Variants in SETX observed in about 807,000 individuals in gnomAD.
The protein encoded by SETX is helicase senataxin.
SETX carries 90 observed loss-of-function variants against 227.2 expected under a neutral mutation model. The ratio of observed to expected loss-of-function variants is 0.40; its 90% CI spans 0.33 to 0.47. The LOEUF is 0.47. Among genes scored for constraint, SETX ranks in the 20% least tolerant of loss-of-function variants. The pLI, the probability that SETX is intolerant of heterozygous loss-of-function variation, is 0.91. For synonymous variants in SETX, 1,210 were observed against 1,113.2 expected, an observed-to-expected ratio of 1.09 and a Z score of -1.73; for missense variants, 3,052 against 3,181.5, an observed-to-expected ratio of 0.96 and a Z score of 0.98.
At position 132,264,134 on chromosome 9, in the gene SETX, C is replaced by T; in HGVS notation, c.*105G>A. On this transcript the variant is annotated 3_prime_UTR_variant, in exon 26 of 26. Coordinates refer to ENST00000224140, the MANE Select transcript of SETX (RefSeq NM_015046.7). Reference sequence around the variant, plus strand: ...ATGCATTTTCCATGTTTTCCAACAGCACACAAACTCCTTACAAAAAACAAG... The same window carrying T: ...ATGCATTTTCCATGTTTTCCAACAGTACACAAACTCCTTACAAAAAACAAG... 1 of 1,518,038 alleles carries T rather than the reference C, an allele frequency of 6.6e-7. No individual in the cohort carries two copies. The highest frequency in any genetic ancestry group is 9.0e-7 in the Non-Finnish European group (1 of 1,106,602). The allele number at this position is 1,518,038 out of a possible 1,614,324, so 94.0% of individuals were successfully genotyped here.
chr9:132,290,574 CAAAAAAAAAA>C (rs59954158), intron 15 of SETX, among the ~76,000 whole-genome samples: 2 of 44,714 alleles, frequency 4.5e-5, no homozygotes, highest in South Asian at 9.5e-4. Context: ...GACTCCGTCT[CAAAAAAAAAA>C]AAAAAAAAAA....
At chr9:132,333,133 C>G (rs529293864) in intron 7 of SETX, among the ~76,000 whole-genome samples, 1 of 151,556 alleles carries the variant, frequency 6.6e-6, no homozygotes, top group African/African-American at 2.4e-5. Context: ...AATCCCAACA[C>G]TTTGAGAGGC....
chr9:132,284,697 T>A (rs747901797), intron 18 of SETX, among the ~76,000 whole-genome samples: 3 of 152,176 alleles, frequency 2.0e-5, no homozygotes, highest in Non-Finnish European at 4.4e-5. Flanking sequence ...AACCCAAGAA[T>A]TGCAAAAAAC....
intron 19 of SETX, 135 bp from the exon 20 acceptor site, chr9:132,281,709 T>C (rs1286908324): frequency 1.4e-5 from 10 of 734,070 alleles, no homozygotes; most frequent in Non-Finnish European, 2.4e-5. Context: ...ATACAAATTT[T>C]CCCTGAAAAC....
chr9:132,261,438 AATG>A lies in SETX; in HGVS notation c.*2798_*2800del, dbSNP rs1266290955. The A allele has an allele frequency of 1.3e-5, 2 of 152,230 alleles. No individual in the cohort carries two copies. Among genetic ancestry groups the A allele is most frequent in the African/African-American group, 2.4e-5 (1 of 41,454 alleles). The allele number at this position is 152,230 out of a possible 1,614,324, so 9.4% of individuals were successfully genotyped here. A position where few individuals can be genotyped will look rare whatever the true frequency, so the allele number is the denominator to read the frequency against. On this transcript the variant is annotated 3_prime_UTR_variant, in exon 26 of 26. Coordinates refer to ENST00000224140, the MANE Select transcript of SETX (RefSeq NM_015046.7). ...ATAAAGCAAACCAAATGGCAGACGAAATGATGTTAGTACCTTGTAGTTTACTTC... is the reference window on the plus strand; with the variant it reads ...ATAAAGCAAACCAAATGGCAGACGAAATGTTAGTACCTTGTAGTTTACTTC...
intron 20 of SETX, 60 bp downstream of exon 20, chr9:132,281,407 A>G: frequency 7.6e-7 from 1 of 1,317,022 alleles, no homozygotes; most frequent in Non-Finnish European, 1.1e-6. Flanking sequence ...CTCCCTCCTG[A>G]AAACAAAAAT....
At position 132,264,254 on chromosome 9, in the gene SETX, T is replaced by C; in HGVS notation, c.8019A>G (p.Lys2673=). ...CTGGGCTTTCCTATAAAAGCTTTCT[T>C]TTCTTGGAACTGCTGTCCTCCTGCT... ...TLEQEDSSSK[K]RKLL is the part of the protein sequence containing the mutation. Residue 2673 remains lysine, a synonymous_variant, in exon 26 of 26, where the codon AAA becomes AAG. Transcript: ENST00000224140. The C allele has an allele frequency of 6.2e-7, 1 of 1,614,182 alleles. No homozygotes were observed. Among genetic ancestry groups the C allele is most frequent in the African/African-American group, 1.3e-5 (1 of 75,024 alleles).
intron 10 of SETX, among the ~76,000 whole-genome samples, chr9:132,326,000 G>A (rs558089513): frequency 4.0e-5 from 6 of 149,704 alleles, no homozygotes; most frequent in Non-Finnish European, 8.9e-5. Flanking sequence ...TGGCACAAAT[G>A]TCTGTTCAAC....
chr9:132,333,638 G>A (rs944478786), intron 7 of SETX, among the ~76,000 whole-genome samples: 1 of 151,880 alleles, frequency 6.6e-6, no homozygotes, highest in Non-Finnish European at 1.5e-5. Context: ...AAGATTAGAA[G>A]CACTTATTTA....
intron 11 of SETX, 127 bp downstream of exon 11, chr9:132,311,630 T>C: frequency 1.4e-6 from 1 of 696,574 alleles, no homozygotes; most frequent in Admixed American, 2.2e-5. Context: ...TTAAGCATAT[T>C]CTAAGAAGTC....
rs758851456 is a variant in SETX at position 132,326,817 on chromosome 9, G to C, written c.4781C>G (p.Pro1594Arg). Residue 1594 changes from proline (P) to arginine (R), a missense_variant, in exon 10 of 26, where the codon CCT (proline) becomes CGT (arginine). Pro to Arg is a moderately radical substitution (Grantham distance 103). This residue lies in a region of SETX where 1,483 missense variants were observed against 1,312.0 expected (regional missense o/e 1.13). Coordinates refer to ENST00000224140, the MANE Select transcript of SETX (RefSeq NM_015046.7). ...LPPPASKPLR[P>R]TTKIFSSKST... Reference sequence around the variant, plus strand: ...CTTTGAGCTAAAAATCTTAGTGGTAGGTCTCAAAGGTTTAGATGCAGGAGG... The same window carrying C: ...CTTTGAGCTAAAAATCTTAGTGGTACGTCTCAAAGGTTTAGATGCAGGAGG... 1.2e-6 allele frequency: 2 copies of C among 1,614,206 alleles called. No homozygotes were observed. Among genetic ancestry groups the C allele is most frequent in the South Asian group, 1.1e-5 (1 of 91,082 alleles).
intron 25 of SETX, among the ~76,000 whole-genome samples, chr9:132,267,293 C>T (rs78247179): frequency 0.093 from 14,176 of 152,232 alleles, 733 homozygotes; most frequent in South Asian, 0.15. Context: ...GCTCTGGGGG[C>T]TCAGTTCTCT....
rs1270413451 is a variant in SETX, at chr9:132,329,402, T to C, written c.2196A>G (p.Pro732=). The change falls in exon 10 of 26, where the codon CCA becomes CCG. Residue 732 remains proline (P), a synonymous_variant. Transcript: ENST00000224140. ...TPKDCTSRNG[P]ERGCDRGIIV... ...TTATTCCTCTGTCACATCCCCTTTC[T>C]GGACCATTTCTTGAAGTACAGTCCT... 1 of 1,613,940 alleles carries C rather than the reference T, an allele frequency of 6.2e-7. No individual in the cohort carries two copies. Among genetic ancestry groups the C allele is most frequent in the Non-Finnish European group, 8.5e-7 (1 of 1,179,986 alleles).
intron 17 of SETX, among the ~76,000 whole-genome samples, 171 bp from the exon 18 acceptor site, chr9:132,286,665 C>A (rs373646322): frequency 6.6e-6 from 1 of 152,226 alleles, no homozygotes; most frequent in Non-Finnish European, 1.5e-5. Flanking sequence ...TATGCTGCTG[C>A]GTAAGACTCA....
chr9:132,288,356 T>C lies in SETX; in HGVS notation c.6209-5A>G, dbSNP rs754427454. 4 of 1,598,398 alleles carry C rather than the reference T, an allele frequency of 2.5e-6. No individual in the cohort carries two copies. Among genetic ancestry groups the C allele is most frequent in the Non-Finnish European group, 2.6e-6 (3 of 1,166,948 alleles). On this transcript the variant is annotated splice_polypyrimidine_tract_variant and splice_region_variant and intron_variant, in intron 16 of 25. Coordinates refer to ENST00000224140, the MANE Select transcript of SETX (RefSeq NM_015046.7). ...CATGAGAAGGTAACTCTTTTTCTAA[T>C]AAAAATAACAAATAAAAAATTATAT...
At chr9:132,323,968 A>G (rs1279417252) in intron 10 of SETX, among the ~76,000 whole-genome samples, 1 of 152,086 alleles carries the variant, frequency 6.6e-6, no homozygotes, top group Admixed American at 6.5e-5. Context: ...AGAATAGAAA[A>G]TAGTTACTTG....
chr9:132,333,154 G>A (rs1233946017), intron 7 of SETX, among the ~76,000 whole-genome samples: 3 of 151,104 alleles, frequency 2.0e-5, no homozygotes, highest in Non-Finnish European at 2.9e-5. Flanking sequence ...CAAGGCAGGC[G>A]GATCACATGA....
chr9:132,275,725 G>C (rs1249672183), intron 22 of SETX, among the ~76,000 whole-genome samples: 1 of 152,244 alleles, frequency 6.6e-6, no homozygotes, highest in African/African-American at 2.4e-5. Flanking sequence ...TTCATCTGTT[G>C]AAACAGGGAG....
At chr9:132,323,911 G>GA (rs987805822) in intron 10 of SETX, among the ~76,000 whole-genome samples, 92 of 140,724 alleles carry the variant, frequency 6.5e-4, no homozygotes, top group South Asian at 1.4e-3. Flanking sequence ...CTCCAAAAAA[G>GA]AAAAAAAAAA....
Sources: gnomAD v4.1 joint callset for allele counts (sites outside exome capture counted in the v4.1 genomes callset) on GRCh38, gnomAD v4.1.1 for gene constraint, gnomAD v4.1.1 regional missense constraint, MANE v1.5 for transcripts, NCBI Gene and HGNC (gene_info 2026-07-23, HGNC 2026-07-21) for gene names.